KMT2B: variants seen among roughly 807,000 people sequenced by gnomAD.
The protein encoded by KMT2B is lysine methyltransferase 2B.
Under a neutral mutation model 255.3 loss-of-function variants are expected in KMT2B, and 22 were observed. The ratio of observed to expected loss-of-function variants is 0.09; its 90% CI spans 0.06 to 0.12. The LOEUF is 0.12. Among genes scored for constraint, KMT2B ranks in the 10% least tolerant of loss-of-function variants. KMT2B has a pLI of 1.00. For synonymous variants in KMT2B, 1,730 were observed against 1,498.1 expected, an observed-to-expected ratio of 1.15 and a Z score of -3.57; for missense variants, 3,149 against 3,737.0, an observed-to-expected ratio of 0.84 and a Z score of 4.10.
chr19:35,722,246 G>A lies in KMT2B; in HGVS notation c.2458-113G>A, dbSNP rs1289348171. 29 of 1,072,706 alleles carry A rather than the reference G, an allele frequency of 2.7e-5. 1 individual carries two copies. The highest frequency in any genetic ancestry group is 2.8e-4 in the Middle Eastern group (1 of 3,588). 66.4% of individuals were successfully genotyped at this position (1,072,706 alleles called of 1,614,324 possible). A position where few individuals can be genotyped will look rare whatever the true frequency, so the allele number is the denominator to read the frequency against. On this transcript the variant is annotated intron_variant, in intron 3 of 36. Transcript: ENST00000420124. ...TCTTGAACTCCTGACCTCGTGATCT[G>A]CCCGTCTCGGCCTCCCAAAGTGCTG...
chr19:35,729,956 C>T lies in KMT2B; in HGVS notation c.4918-11C>T. ...CCTGGCTTCTCCCCTGAGCTGCCCT[C>T]CCCTACGCAGCGCTGCGAGCTCTGC... On this transcript the variant is annotated splice_polypyrimidine_tract_variant and intron_variant, in intron 22 of 36. Coordinates refer to ENST00000420124, the MANE Select transcript of KMT2B (RefSeq NM_014727.3). 3 of 1,609,934 alleles carry T rather than the reference C, an allele frequency of 1.9e-6. No individual in the cohort carries two copies. The highest frequency in any genetic ancestry group is 1.1e-5 in the South Asian group (1 of 90,554).
In KMT2B at chr19:35,732,301, C is replaced by T; in HGVS notation, c.5752C>T (p.Pro1918Ser). 1 of 1,611,276 alleles carries T rather than the reference C, an allele frequency of 6.2e-7. No homozygotes were observed. The highest frequency in any genetic ancestry group is 8.5e-7 in the Non-Finnish European group (1 of 1,178,834). The change falls in exon 28 of 37, where the codon CCT becomes TCT. Residue 1918 changes from proline (P) to serine (S), a missense_variant. Physicochemically the swap from Pro to Ser is moderately conservative, Grantham distance 74. Around this residue, in one of 18 missense-constraint regions of KMT2B, gnomAD observed 897 missense variants for 825.3 expected, o/e 1.09. Transcript: ENST00000420124. ...CCCCAGACGTTCCCGTCGTCCCAGC[C>T]CTTTGGCTCCCAGGCCGCCTCCATC... The part of the protein sequence containing the change: ...APPRRSRRPS[P>S]LAPRPPPSRW...
chr19:35,732,328 C>G lies in KMT2B; in HGVS notation c.5779C>G (p.Arg1927Gly), dbSNP rs749130618. Residue 1927 changes from arginine (R) to glycine (G), a missense_variant, in exon 28 of 37, where the codon CGG becomes GGG. Coordinates refer to ENST00000420124, the MANE Select transcript of KMT2B (RefSeq NM_014727.3). ...TTTGGCTCCCAGGCCGCCTCCATCA[C>G]GGTGGGCCTCCCCTCCTCTAAAAAC... ...SPLAPRPPPS[R>G]WASPPLKTSP... is the part of the protein sequence containing the mutation. 1.2e-6 allele frequency: 2 copies of G among 1,611,002 alleles called. No homozygotes were observed. The highest frequency in any genetic ancestry group is 1.7e-6 in the Non-Finnish European group (2 of 1,178,716).
chr19:35,722,130 G>A (rs1000387112), intron 3 of KMT2B, among the ~76,000 whole-genome samples: 2 of 151,524 alleles, frequency 1.3e-5, no homozygotes, highest in Non-Finnish European at 2.9e-5. Flanking sequence ...TCAGTCTCTC[G>A]AGTAGCTGGG....
rs770194676 is a variant in KMT2B at position 35,736,833 on chromosome 19, TG to T, written c.7297+12del. Reference sequence around the variant, plus strand: ...TGAGGCAGAGAGCTTGGAGGGTGAGTGGGGGGAGTGCAGTGGCAGGAGGGAG... The same window carrying T: ...TGAGGCAGAGAGCTTGGAGGGTGAGTGGGGGAGTGCAGTGGCAGGAGGGAG... On this transcript the variant is annotated splice_region_variant and intron_variant, in intron 31 of 36. Transcript: ENST00000420124. 1 of 1,613,422 alleles carries T rather than the reference TG, an allele frequency of 6.2e-7. No individual in the cohort carries two copies. Among genetic ancestry groups the T allele is most frequent in the Non-Finnish European group, 8.5e-7 (1 of 1,179,728 alleles).
rs371337093 is a variant in KMT2B at position 35,721,363 on chromosome 19, G to A, written c.2016G>A (p.Gly672=). 6.3e-7 allele frequency: 1 copy of A among 1,593,460 alleles called. No individual in the cohort carries two copies. Residue 672 remains glycine, a synonymous_variant, in exon 3 of 37, where the codon GGG becomes GGA. Transcript: ENST00000420124. ...CGGTGCTTACTCCTCCTCCTCTTGGGGCTCCTGAAGCCCCTGAGCCAGAGC... is the reference window on the plus strand; with the variant it reads ...CGGTGCTTACTCCTCCTCCTCTTGGAGCTCCTGAAGCCCCTGAGCCAGAGC... ...YESVLTPPPL[G]APEAPEPEPP...
At position 35,723,487 on chromosome 19, in the gene KMT2B, C is replaced by A; in HGVS notation, c.3043C>A (p.Arg1015=). 1 of 1,570,932 alleles carries A rather than the reference C, an allele frequency of 6.4e-7. No homozygotes were observed. The change falls in exon 7 of 37, where the codon CGA becomes AGA. Residue 1015 remains arginine (R), a synonymous_variant. Coordinates refer to ENST00000420124, the MANE Select transcript of KMT2B (RefSeq NM_014727.3). The surrounding 1 kb of genome is among the most constrained non-coding windows in gnomAD (Gnocchi z 7.5). The part of the protein sequence containing the change: ...CDKIEARKME[R]LAKKGRTIVK... Reference sequence around the variant, plus strand: ...CAAAATAGAGGCTCGGAAGATGGAACGACTGGCTAAAAAAGGTGACGAGCT... The same window carrying A: ...CAAAATAGAGGCTCGGAAGATGGAAAGACTGGCTAAAAAAGGTGACGAGCT...
chr19:35,733,107 C>T lies in KMT2B; in HGVS notation c.6558C>T (p.Pro2186=), dbSNP rs777573810. Residue 2186 remains proline, a synonymous_variant, in exon 28 of 37, where the codon CCC becomes CCT. Coordinates refer to ENST00000420124, the MANE Select transcript of KMT2B (RefSeq NM_014727.3). The surrounding 1 kb of genome is among the most constrained non-coding windows in gnomAD (Gnocchi z 4.3). ...SLGPAPEPPK[P]ATSKIILVNK... ...GCCCTGCCCCTGAGCCCCCCAAACCCGCCACATCCAAAATCATACTTGTCA... is the reference window on the plus strand; with the variant it reads ...GCCCTGCCCCTGAGCCCCCCAAACCTGCCACATCCAAAATCATACTTGTCA... 1,643 of 1,589,986 alleles carry T rather than the reference C, an allele frequency of 1.0e-3. 4 individuals carry two copies. The highest frequency in any genetic ancestry group is 6.0e-3 in the East Asian group (260 of 43,624).
rs761686503 is a variant in KMT2B, at chr19:35,733,654, G to A, written c.7017G>A (p.Arg2339=). The change falls in exon 29 of 37, where the codon CGG becomes CGA. Residue 2339 remains arginine, a synonymous_variant. Transcript: ENST00000420124. The surrounding 1 kb of genome is among the most constrained non-coding windows in gnomAD (Gnocchi z 4.3). ...TGCGTGGGGTCCTTGACCTGGATCG[G>A]CCTGGGGAGCCCGCTGGGGAAGAAA... ...PTVRGVLDLD[R]PGEPAGEESP... 6.2e-7 allele frequency: 1 copy of A among 1,600,058 alleles called. No individual in the cohort carries two copies. Among genetic ancestry groups the A allele is most frequent in the Non-Finnish European group, 8.5e-7 (1 of 1,173,712 alleles).
intron 26 of KMT2B, 99 bp downstream of exon 26, chr19:35,730,966 G>C: frequency 7.5e-7 from 1 of 1,334,770 alleles, no homozygotes; most frequent in South Asian, 1.5e-5. Flanking sequence ...CAGGAGGCTT[G>C]CTTTTGCTTC....
In KMT2B at chr19:35,737,483, A is replaced by G; in HGVS notation, c.7551-153A>G. The G allele has an allele frequency of 1.3e-6, 1 of 744,186 alleles. No homozygotes were observed. The highest frequency in any genetic ancestry group is 2.7e-5 in the East Asian group (1 of 36,644). 46.1% of individuals were successfully genotyped at this position (744,186 alleles called of 1,614,324 possible). On this transcript the variant is annotated intron_variant, in intron 33 of 36. Coordinates refer to ENST00000420124, the MANE Select transcript of KMT2B (RefSeq NM_014727.3). This position sits in a 1 kb window ranked among gnomAD's most constrained non-coding sequence, Gnocchi z 5.3. ...GATCGCATGAGCCCAGGAGTTGGAG[A>G]CCAGCGTAGGCAACATGGCAAAACC...
In KMT2B at chr19:35,730,719, G is replaced by A. The variant is rs1372705075; in HGVS notation, c.5289G>A (p.Leu1763=). Residue 1763 remains leucine, a synonymous_variant, in exon 26 of 37, where the codon CTG becomes CTA. Coordinates refer to ENST00000420124, the MANE Select transcript of KMT2B (RefSeq NM_014727.3). ...LFPIGYQCSR[L]YWSTVDARRR... ...TCCCACATGCCAGGTGCTCCCGTCT[G>A]TACTGGAGCACAGTGGATGCTCGGA... 3 of 1,613,820 alleles carry A rather than the reference G, an allele frequency of 1.9e-6. No homozygotes were observed. The African/African-American group carries it at 4.0e-5, about 22-fold the overall frequency.
intron 3 of KMT2B, 50 bp downstream of exon 3, chr19:35,721,854 T>C: frequency 6.7e-7 from 1 of 1,496,202 alleles, no homozygotes; most frequent in Non-Finnish European, 8.9e-7. Context: ...CCAGCCTCCA[T>C]TCTTTGCAAC....
rs1970017248 is a variant in KMT2B, at chr19:35,738,673, C to A, written c.*116C>A. The A allele has an allele frequency of 1.7e-6, 2 of 1,194,582 alleles. No individual in the cohort carries two copies. The highest frequency in any genetic ancestry group is 5.1e-5 in the East Asian group (2 of 39,142). 74.0% of individuals were successfully genotyped at this position (1,194,582 alleles called of 1,614,324 possible). A position where few individuals can be genotyped will look rare whatever the true frequency, so the allele number is the denominator to read the frequency against. The stretch of plus-strand genomic sequence containing the variant: ...AGCATCTCACCCCCACCCTCATGTT[C>A]AGGGTGGATGTGGGCATGCAGGTGA... On this transcript the variant is annotated 3_prime_UTR_variant, in exon 37 of 37. Transcript: ENST00000420124. This position sits in a 1 kb window ranked among gnomAD's most constrained non-coding sequence, Gnocchi z 8.7.
At chr19:35,731,171 C>G (rs1056437936) in intron 26 of KMT2B, among the ~76,000 whole-genome samples, 1 of 152,222 alleles carries the variant, frequency 6.6e-6, no homozygotes, top group African/African-American at 2.4e-5. Context: ...ATGGAGCGCT[C>G]TCCAGTGTCG....
Position 35,721,696 on chromosome 19 carries a change from G to A in KMT2B, c.2349G>A (p.Leu783=). ...EKARIAGVGS[L]PLSGVEEKMF... is the part of the protein sequence containing the mutation. The stretch of plus-strand genomic sequence containing the variant: ...CCCGGATTGCGGGCGTGGGTTCCTT[G>A]CCGCTGTCTGGGGTAGAGGAGAAGA... The change falls in exon 3 of 37, where the codon TTG becomes TTA. Residue 783 remains leucine, a synonymous_variant. Coordinates refer to ENST00000420124, the MANE Select transcript of KMT2B (RefSeq NM_014727.3). The A allele has an allele frequency of 6.2e-7, 1 of 1,610,620 alleles. No homozygotes were observed. The highest frequency in any genetic ancestry group is 1.3e-5 in the African/African-American group (1 of 74,982).
chr19:35,738,740 C>T lies in KMT2B; in HGVS notation c.*183C>T, dbSNP rs148637661. ...ACCCCTCCAGCCCATCCAGCAATCG[C>T]CCCCTTTCTGCCCTGGGGGCCCAGG... On this transcript the variant is annotated 3_prime_UTR_variant, in exon 37 of 37. Coordinates refer to ENST00000420124, the MANE Select transcript of KMT2B (RefSeq NM_014727.3). This position sits in a 1 kb window ranked among gnomAD's most constrained non-coding sequence, Gnocchi z 8.7. The T allele has an allele frequency of 1.6e-3, 1,067 of 647,322 alleles. 2 individuals are homozygous for T. Among genetic ancestry groups the T allele is most frequent in the Non-Finnish European group, 1.9e-3 (736 of 381,452 alleles). 40.1% of individuals were successfully genotyped at this position (647,322 alleles called of 1,614,324 possible). A position where few individuals can be genotyped will look rare whatever the true frequency, so the allele number is the denominator to read the frequency against.
At position 35,725,163 on chromosome 19, in the gene KMT2B, G is replaced by C; in HGVS notation, c.3529-57G>C. 6.3e-7 allele frequency: 1 copy of C among 1,579,480 alleles called. No homozygotes were observed. On this transcript the variant is annotated intron_variant, in intron 10 of 36. Transcript: ENST00000420124. The surrounding 1 kb of genome is among the most constrained non-coding windows in gnomAD (Gnocchi z 4.1). ...GATGACTGTGTCATCGAGAAGCCAG[G>C]TGGGTCTGCCTTGTATGCCTGGCGG...
chr19:35,737,802 G>A lies in KMT2B; in HGVS notation c.7659-57G>A. The stretch of plus-strand genomic sequence containing the variant: ...CTGGAAGGGTCTTAGAGAGTGAGCA[G>A]GGGTGAGAGAGGTCATTCTGAGCAC... On this transcript the variant is annotated intron_variant, in intron 34 of 36. Coordinates refer to ENST00000420124, the MANE Select transcript of KMT2B (RefSeq NM_014727.3). The surrounding 1 kb of genome is among the most constrained non-coding windows in gnomAD (Gnocchi z 5.3). 1.9e-6 allele frequency: 3 copies of A among 1,548,968 alleles called. No homozygotes were observed. The highest frequency in any genetic ancestry group is 2.6e-6 in the Non-Finnish European group (3 of 1,143,730).
Sources: gnomAD v4.1 joint callset for allele counts (sites outside exome capture counted in the v4.1 genomes callset) on GRCh38, gnomAD v4.1.1 for gene constraint, gnomAD v4.1.1 regional missense constraint, Gnocchi (gnomAD v3.1) non-coding constraint, MANE v1.5 for transcripts, NCBI Gene and HGNC (gene_info 2026-07-23, HGNC 2026-07-21) for gene names.